Variants in SUGCT observed in about 807,000 individuals in gnomAD.
SUGCT encodes the protein succinyl-CoA:glutarate-CoA transferase, also known as succinyl-CoA:glutarate CoA-transferase.
A neutral mutation model predicts 55.0 loss-of-function variants in SUGCT; 41 were observed. The observed-to-expected ratio is 0.74, with a 90% CI of 0.58 to 0.97. The LOEUF (loss-of-function observed/expected upper bound fraction) is 0.97, where lower values mean the gene tolerates loss of function less well. SUGCT is among the 50% of genes least tolerant of loss of function. The pLI is 0.00. For synonymous variants in SUGCT, 187 were observed against 200.4 expected, an observed-to-expected ratio of 0.93 and a Z score of 0.56; for missense variants, 568 against 547.8, an observed-to-expected ratio of 1.04 and a Z score of -0.37.
chr7:40,157,538 G>C (rs1484539661), intron 1 of SUGCT, among the ~76,000 whole-genome samples: 1 of 152,140 alleles, frequency 6.6e-6, no homozygotes, highest in Non-Finnish European at 1.5e-5. Flanking sequence ...TCAATATAGA[G>C]ATTAAAAACT....
At chr7:40,898,353 C>G in the SUGCT span, among the ~76,000 whole-genome samples, 2 of 152,098 alleles carry the variant, frequency 1.3e-5, no homozygotes, top group African/African-American at 2.4e-5. Flanking sequence ...TCTGCGGCTT[C>G]GCTCCTGAAG....
At chr7:40,818,964 T>C (rs2128764811) in intron 13 of SUGCT, among the ~76,000 whole-genome samples, 1 of 133,540 alleles carries the variant, frequency 7.5e-6, no homozygotes, top group Non-Finnish European at 1.5e-5. Flanking sequence ...TGTGTCCAAG[T>C]GTTCTCATTG....
chr7:40,699,677 T>A (rs1446615099), intron 12 of SUGCT, among the ~76,000 whole-genome samples: 1 of 152,106 alleles, frequency 6.6e-6, no homozygotes. Context: ...AAGACCAGCC[T>A]GGTCAATACG....
At chr7:40,666,360 AAGGAAGG>A (rs1562934809) in intron 12 of SUGCT, among the ~76,000 whole-genome samples, 2 of 136,208 alleles carry the variant, frequency 1.5e-5, no homozygotes, top group African/African-American at 2.7e-5. Flanking sequence ...GAAAGAAAGG[AAGGAAGG>A]AAGGAAGGAA....
chr7:40,274,754 A>G lies in SUGCT; in HGVS notation c.720+98A>G, dbSNP rs114366175. On this transcript the variant is annotated intron_variant, in intron 8 of 13. Coordinates refer to ENST00000335693, the MANE Select transcript of SUGCT (RefSeq NM_001193313.2). Reference sequence around the variant, plus strand: ...CTATGGTCACATGTACAAAAACAATACAAAAACCAACACAACAACACTGAA... The same window carrying G: ...CTATGGTCACATGTACAAAAACAATGCAAAAACCAACACAACAACACTGAA... 4.0e-3 allele frequency: 4,205 copies of G among 1,056,052 alleles called. 99 individuals carry two copies. In the African/African-American group the frequency reaches 0.059, roughly 15 times the overall value. 65.4% of individuals were successfully genotyped at this position (1,056,052 alleles called of 1,614,324 possible).
At chr7:40,344,213 A>G (rs892903230) in intron 9 of SUGCT, among the ~76,000 whole-genome samples, 2 of 152,104 alleles carry the variant, frequency 1.3e-5, no homozygotes, top group African/African-American at 2.4e-5. Flanking sequence ...TGCCTTAGTA[A>G]TATTTTTGTT....
intron 13 of SUGCT, among the ~76,000 whole-genome samples, chr7:40,827,575 A>C (rs1792378660): frequency 6.6e-6 from 1 of 152,196 alleles, no homozygotes; most frequent in African/African-American, 2.4e-5. Context: ...AATTCCAGCG[A>C]AAGGTTAGAC....
At position 40,648,678 on chromosome 7, in the gene SUGCT, C is replaced by T. The variant is rs1290130840; in HGVS notation, c.1090-100756C>T. Among the ~76,000 whole-genome samples the T allele has an allele frequency of 2.6e-5, 4 of 152,330 alleles. No individual in the cohort carries two copies. The East Asian group carries it at 7.7e-4, about 29-fold the overall frequency. On this transcript the variant is annotated intron_variant, in intron 12 of 13. Coordinates refer to ENST00000335693, the MANE Select transcript of SUGCT (RefSeq NM_001193313.2). Reference sequence around the variant, plus strand: ...TTTTGTCCTTACAAGGAAACATAGCCACAGACACTGTGTGGAAGATGGCCC... The same window carrying T: ...TTTTGTCCTTACAAGGAAACATAGCTACAGACACTGTGTGGAAGATGGCCC...
At chr7:40,250,251 T>A (rs1051260527) in intron 7 of SUGCT, among the ~76,000 whole-genome samples, 2 of 151,840 alleles carry the variant, frequency 1.3e-5, no homozygotes, top group Non-Finnish European at 2.9e-5. Context: ...TACAAAAAAA[T>A]TAGCGGGGCG....
In SUGCT at chr7:40,168,584, CCTGA is replaced by C. The variant is rs374975947; in HGVS notation, c.101-12360_101-12357del. Reference sequence around the variant, plus strand: ...TATTTCTTCAGCACACTTCACAGGCCCTGACTATCTGCTTGACAGTTTTTAAAAG... The same window carrying C: ...TATTTCTTCAGCACACTTCACAGGCCCTATCTGCTTGACAGTTTTTAAAAG... On this transcript the variant is annotated intron_variant, in intron 1 of 13. Transcript: ENST00000335693. Among the ~76,000 whole-genome samples the C allele has an allele frequency of 3.4e-3, 512 of 152,146 alleles. 3 individuals carry two copies. Among genetic ancestry groups the C allele is most frequent in the African/African-American group, 0.012 (489 of 41,484 alleles).
chr7:40,671,561 A>G (rs113773302), intron 12 of SUGCT, among the ~76,000 whole-genome samples: 1 of 152,346 alleles, frequency 6.6e-6, no homozygotes, highest in African/African-American at 2.4e-5. Context: ...GTATGTCTAT[A>G]TACTAGCAGT....
intron 1 of SUGCT, among the ~76,000 whole-genome samples, chr7:40,169,612 A>G (rs1040030731): frequency 5.3e-5 from 8 of 152,164 alleles, no homozygotes; most frequent in African/African-American, 1.9e-4. Context: ...TATTCGGACA[A>G]TCTTTTTTAA....
chr7:41,006,907 C>T, the SUGCT span, among the ~76,000 whole-genome samples: 1 of 152,180 alleles, frequency 6.6e-6, no homozygotes, highest in Non-Finnish European at 1.5e-5. Flanking sequence ...TGAAGAATAA[C>T]TATCTGAAGA....
At chr7:40,970,651 T>G in the SUGCT span, among the ~76,000 whole-genome samples, 1 of 152,310 alleles carries the variant, frequency 6.6e-6, no homozygotes, top group African/African-American at 2.4e-5. Flanking sequence ...GGTAAGTGTT[T>G]TGATGAACTT....
intron 9 of SUGCT, among the ~76,000 whole-genome samples, chr7:40,375,292 C>G (rs1372555828): frequency 2.0e-5 from 3 of 152,140 alleles, no homozygotes; most frequent in African/African-American, 7.2e-5. Flanking sequence ...TAGAAAGATG[C>G]AATCAAGTTT....
At chr7:40,169,291 C>G (rs1784563052) in intron 1 of SUGCT, among the ~76,000 whole-genome samples, 2 of 152,144 alleles carry the variant, frequency 1.3e-5, no homozygotes, top group African/African-American at 4.8e-5. Flanking sequence ...GGAGAAGTAT[C>G]TAGTGACTGC....
chr7:40,224,401 T>TGC (rs1024511345), intron 6 of SUGCT, among the ~76,000 whole-genome samples: 2 of 38,836 alleles, frequency 5.1e-5, no homozygotes, highest in African/African-American at 1.9e-4. Context: ...AATCTGTGCG[T>TGC]GTGTGTGTGT....
chr7:41,018,249 C>T, the SUGCT span, among the ~76,000 whole-genome samples: 1 of 152,070 alleles, frequency 6.6e-6, no homozygotes, highest in Non-Finnish European at 1.5e-5. Context: ...GAGTCCAGTG[C>T]AGGGGAGGAG....
intron 6 of SUGCT, among the ~76,000 whole-genome samples, chr7:40,221,948 T>C (rs549528181): frequency 1.2e-4 from 19 of 152,368 alleles, no homozygotes; most frequent in African/African-American, 4.6e-4. Context: ...TGGATTAATA[T>C]ATGATTCACG....
Sources: allele counts gnomAD v4.1 joint callset (sites outside exome capture counted in the v4.1 genomes callset), GRCh38; gene constraint gnomAD v4.1.1; transcripts MANE v1.5; gene names NCBI Gene and HGNC (gene_info 2026-07-23, HGNC 2026-07-21).